The following C19orf47 variants were observed in gnomAD, a reference collection of about 807,000 sequenced individuals.
C19orf47 encodes chromosome 19 open reading frame 47, also known as uncharacterized protein C19orf47.
In C19orf47, 18 loss-of-function variants were observed where a neutral mutation model predicts 32.3. The ratio of observed to expected loss-of-function variants is 0.56; its 90% CI spans 0.39 to 0.83. The LOEUF is 0.83. Ranked by LOEUF, C19orf47 falls within the 40% of genes least tolerant of loss-of-function variation. C19orf47 has a pLI of 0.00. For missense variants in C19orf47, 484 were observed against 531.6 expected (o/e 0.91, Z 0.88); for synonymous variants, 202 against 211.1 (o/e 0.96, Z 0.37).
the C19orf47 span, among the ~76,000 whole-genome samples, chr19:40,311,412 C>T: frequency 8.6e-5 from 13 of 151,298 alleles, no homozygotes; most frequent in Admixed American, 1.3e-4. Flanking sequence ...CGTGGTGGCA[C>T]GCACCTGTAG....
At chr19:40,344,089 C>T (rs2078228068) in intron 1 of C19orf47, among the ~76,000 whole-genome samples, 1 of 151,950 alleles carries the variant, frequency 6.6e-6, no homozygotes, top group African/African-American at 2.4e-5. Context: ...TGGCCTTCTG[C>T]TCAATCTCTT....
chr19:40,293,484 G>C, the C19orf47 span, among the ~76,000 whole-genome samples: 24 of 149,150 alleles, frequency 1.6e-4, no homozygotes, highest in Admixed American at 1.3e-3. Flanking sequence ...TTTTGTTTCT[G>C]AGACAGAGTC....
At chr19:40,310,688 T>C in the C19orf47 span, among the ~76,000 whole-genome samples, 12 of 152,148 alleles carry the variant, frequency 7.9e-5, no homozygotes, top group Non-Finnish European at 1.8e-4. Flanking sequence ...CTCCAAGGTA[T>C]ATTAAGTGAA....
chr19:40,296,637 G>C, the C19orf47 span, among the ~76,000 whole-genome samples: 10 of 152,158 alleles, frequency 6.6e-5, no homozygotes, highest in African/African-American at 2.4e-4. Flanking sequence ...AAGTGGGCCA[G>C]GCGCAGTGGC....
chr19:40,303,902 C>T, the C19orf47 span, among the ~76,000 whole-genome samples: 1 of 151,912 alleles, frequency 6.6e-6, no homozygotes, highest in African/African-American at 2.4e-5. Context: ...TGCCCCTACT[C>T]CAACTGAAAA....
intron 6 of C19orf47, 150 bp downstream of exon 6, chr19:40,328,263 C>T: frequency 8.0e-7 from 1 of 1,254,462 alleles, no homozygotes; most frequent in Non-Finnish European, 1.1e-6. Context: ...GGCACCTTGA[C>T]CAAGTTTACA....
chr19:40,317,561 T>C (rs4239506), downstream of C19orf47, among the ~76,000 whole-genome samples: 109,976 of 151,714 alleles, frequency 0.72, 40,043 homozygotes, highest in African/African-American at 0.79. Flanking sequence ...ACTGTGACTC[T>C]GGAGCAGCTG....
At chr19:40,338,540 A>C (rs182221374) in intron 2 of C19orf47, among the ~76,000 whole-genome samples, 1 of 152,086 alleles carries the variant, frequency 6.6e-6, no homozygotes, top group Admixed American at 6.6e-5. Flanking sequence ...ACGCGCCACC[A>C]TGAACAGCTA....
intron 7 of C19orf47, among the ~76,000 whole-genome samples, chr19:40,325,479 T>C (rs2145529512): frequency 6.6e-6 from 1 of 151,410 alleles, no homozygotes; most frequent in East Asian, 2.0e-4. Flanking sequence ...AATACAAAAA[T>C]TAGGTGGGCA....
intron 5 of C19orf47, among the ~76,000 whole-genome samples, chr19:40,329,791 T>C (rs7248861): frequency 0.19 from 28,206 of 152,150 alleles, 2,963 homozygotes; most frequent in African/African-American, 0.27. Flanking sequence ...TCTCTGGCTA[T>C]GCAGAATCTG....
In C19orf47 at chr19:40,321,876, G is replaced by A. The variant is rs976911538; in HGVS notation, c.*6C>T. 1.3e-6 allele frequency: 2 copies of A among 1,567,746 alleles called. No individual in the cohort carries two copies. Among genetic ancestry groups the A allele is most frequent in the Admixed American group, 1.9e-5 (1 of 53,842 alleles). On this transcript the variant is annotated 3_prime_UTR_variant, in exon 9 of 9. Transcript: ENST00000683109. ...CTCTGCTGCCTGCACCCCGCCCACA[G>A]GTGGGCTAGAAGGTCCTGCGGCCCA...
chr19:40,299,425 G>C, the C19orf47 span: 1 of 152,028 alleles, frequency 6.6e-6, no homozygotes, highest in Non-Finnish European at 1.5e-5. Flanking sequence ...TAAATTAATA[G>C]TTACCTGAGA....
chr19:40,326,424 C>A lies in C19orf47; in HGVS notation c.502G>T (p.Ala168Ser). The A allele has an allele frequency of 6.2e-7, 1 of 1,614,182 alleles. No individual in the cohort carries two copies. The highest frequency in any genetic ancestry group is 8.5e-7 in the Non-Finnish European group (1 of 1,180,048). The change falls in exon 7 of 9, where the codon GCT becomes TCT. Residue 168 changes from alanine to serine, a missense_variant. Ala to Ser is a moderately conservative substitution (Grantham distance 99, BLOSUM62 1). Around this residue, in one of 3 missense-constraint regions of C19orf47, gnomAD observed 376 missense variants for 370.2 expected, o/e 1.02. Transcript: ENST00000683109. ...AVPAKRRRVT[A>S]EMEGKYVINM... Reference sequence around the variant, plus strand: ...ATGACGTACTTCCCCTCCATCTCAGCAGTGACCCGGCGCCGCTTGGCAGGA... The same window carrying A: ...ATGACGTACTTCCCCTCCATCTCAGAAGTGACCCGGCGCCGCTTGGCAGGA...
chr19:40,301,841 T>G, the C19orf47 span, among the ~76,000 whole-genome samples: 1 of 146,648 alleles, frequency 6.8e-6, no homozygotes, highest in Non-Finnish European at 1.5e-5. Flanking sequence ...CAAGACTCTG[T>G]CTAGGAAAAA....
intron 1 of C19orf47, among the ~76,000 whole-genome samples, chr19:40,344,859 A>C (rs1367076900): frequency 2.0e-5 from 3 of 152,174 alleles, no homozygotes; most frequent in Non-Finnish European, 4.4e-5. Context: ...CCACCCTCGG[A>C]AAGTTACAGA....
In C19orf47 at chr19:40,321,255, AAC is replaced by A; in HGVS notation, c.*625_*626del. The A allele has an allele frequency of 1.0e-6, 1 of 986,868 alleles. No homozygotes were observed. The highest frequency in any genetic ancestry group is 1.2e-6 in the Non-Finnish European group (1 of 830,142). 61.1% of individuals were successfully genotyped at this position (986,868 alleles called of 1,614,324 possible). ...TCCAGCCTGGGAGTAGAGGGCGGCT[AAC>A]AGTCTCAACAGGCTCGACGCCACCG... On this transcript the variant is annotated 3_prime_UTR_variant, in exon 9 of 9. Coordinates refer to ENST00000683109, the MANE Select transcript of C19orf47 (RefSeq NM_001256441.2).
At chr19:40,300,015 C>T in the C19orf47 span, among the ~76,000 whole-genome samples, 5 of 151,440 alleles carry the variant, frequency 3.3e-5, no homozygotes, top group Admixed American at 2.0e-4. Context: ...GGTAACAGAG[C>T]GAAACTCCAT....
chr19:40,336,474 A>C, intron 2 of C19orf47, 67 bp from the exon 3 acceptor site: 1 of 1,380,060 alleles, frequency 7.2e-7, no homozygotes, highest in East Asian at 2.5e-5. Flanking sequence ...GCAAAACCAC[A>C]ATCACAGCAG....
intron 4 of C19orf47, among the ~76,000 whole-genome samples, chr19:40,335,511 C>G (rs1046394952): frequency 7.2e-5 from 11 of 152,184 alleles, no homozygotes; most frequent in Admixed American, 5.9e-4. Context: ...TTTGGGAGAC[C>G]GAGGCAGGAG....
Sources: allele counts gnomAD v4.1 joint callset (sites outside exome capture counted in the v4.1 genomes callset), GRCh38; gene constraint gnomAD v4.1.1; regional missense constraint gnomAD v4.1.1; transcripts MANE v1.5; gene names NCBI Gene and HGNC (gene_info 2026-07-23, HGNC 2026-07-21).